The following MCOLN2 variants were observed in gnomAD, a reference collection of about 807,000 sequenced individuals.
The protein encoded by MCOLN2 is mucolipin-2.
A neutral mutation model predicts 67.5 loss-of-function variants in MCOLN2; 57 were observed. The ratio of observed to expected loss-of-function variants is 0.84; its 90% confidence interval spans 0.68 to 1.05. The LOEUF is 1.05. Ranked by LOEUF, MCOLN2 falls within the 50% of genes least tolerant of loss-of-function variation. MCOLN2 has a pLI of 0.00. For synonymous variants in MCOLN2, 246 were observed against 233.3 expected (o/e 1.05, Z -0.50); for missense variants, 620 against 678.8 (o/e 0.91, Z 0.96).
At chr1:84,971,603 G>A (rs1649689272) in intron 1 of MCOLN2, among the ~76,000 whole-genome samples, 3 of 148,300 alleles carry the variant, frequency 2.0e-5, no homozygotes, top group African/African-American at 5.0e-5. Context: ...AAGTAAAGAG[G>A]GAAAAAAATT....
intron 13 of MCOLN2, 120 bp downstream of exon 13, chr1:84,929,438 A>T: frequency 8.6e-7 from 1 of 1,160,640 alleles, no homozygotes; most frequent in Non-Finnish European, 1.2e-6. Flanking sequence ...AAGAAAAGAA[A>T]GGTGAATTAT....
In MCOLN2 at chr1:84,987,567, TAGATGTATA is replaced by T. The variant is rs1557665959; in HGVS notation, c.77+9220_77+9228del. Reference sequence around the variant, plus strand: ...ATAGATGTATACATCTATGTATACATAGATGTATACATAGATATATACATATGTATATAG... The same window carrying T: ...ATAGATGTATACATCTATGTATACATCATAGATATATACATATGTATATAG... On this transcript the variant is annotated intron_variant, in intron 1 of 13. Coordinates refer to ENST00000370608, the MANE Select transcript of MCOLN2 (RefSeq NM_153259.4). 1.5e-4 allele frequency among the ~76,000 whole-genome samples: 13 copies of T among 88,012 alleles called. 2 individuals carry two copies. Among genetic ancestry groups the T allele is most frequent in the South Asian group, 1.2e-3 (3 of 2,564 alleles). The allele number at this position is 88,012 out of a possible 152,430, so 57.7% of individuals were successfully genotyped here.
chr1:84,951,667 G>A (rs1314710799), intron 6 of MCOLN2, among the ~76,000 whole-genome samples: 1 of 152,246 alleles, frequency 6.6e-6, no homozygotes, highest in East Asian at 1.9e-4. Flanking sequence ...TAGGAGAGTA[G>A]AAAGTCAAAG....
chr1:84,991,918 A>C (rs976158252), intron 1 of MCOLN2, among the ~76,000 whole-genome samples: 2 of 152,228 alleles, frequency 1.3e-5, no homozygotes, highest in African/African-American at 4.8e-5. Flanking sequence ...AGATGACTGG[A>C]ATTATGACAT....
intron 4 of MCOLN2, among the ~76,000 whole-genome samples, chr1:84,954,893 A>G (rs1054821675): frequency 2.0e-5 from 3 of 152,254 alleles, no homozygotes; most frequent in African/African-American, 7.2e-5. Flanking sequence ...GTAATTTCAC[A>G]GTGTGAGAAG....
rs147241168 is a variant in MCOLN2, at chr1:84,944,533, A to AAAAG, written c.847+2496_847+2499dup. On this transcript the variant is annotated intron_variant, in intron 7 of 13. Transcript: ENST00000370608. ...GGAGACAGAGCGAGACTCTGTCTCAAAAAGAAAGAAAGAAAGAAAGAAAAA... is the reference window on the plus strand; with the variant it reads ...GGAGACAGAGCGAGACTCTGTCTCAAAAAGAAAGAAAGAAAGAAAGAAAGAAAAA... Among the ~76,000 whole-genome samples the AAAAG allele has an allele frequency of 6.8e-3, 1,034 of 151,860 alleles. 31 individuals are homozygous for AAAAG. The highest frequency in any genetic ancestry group is 0.045 in the Admixed American group (694 of 15,262).
chr1:84,959,614 T>C (rs539776948), intron 2 of MCOLN2, among the ~76,000 whole-genome samples: 10 of 152,268 alleles, frequency 6.6e-5, no homozygotes, highest in African/African-American at 1.9e-4. Context: ...CTCACATACA[T>C]ACACAGGCAG....
chr1:84,935,894 T>C (rs1012402551), intron 11 of MCOLN2, among the ~76,000 whole-genome samples: 7 of 152,210 alleles, frequency 4.6e-5, no homozygotes, highest in South Asian at 2.1e-4. Context: ...GCCGATTACA[T>C]GGCTGTCCTC....
At chr1:84,950,437 G>A (rs1648362122) in intron 6 of MCOLN2, among the ~76,000 whole-genome samples, 1 of 151,972 alleles carries the variant, frequency 6.6e-6, no homozygotes, top group Admixed American at 6.6e-5. Context: ...TAGTTCTTTG[G>A]GTATGAAATT....
chr1:84,967,194 A>T (rs1649422309), intron 1 of MCOLN2, among the ~76,000 whole-genome samples: 1 of 152,250 alleles, frequency 6.6e-6, no homozygotes, highest in African/African-American at 2.4e-5. Context: ...AAGGTCAGGT[A>T]GACAGGCACT....
At chr1:84,929,778 C>T (rs1469276050) in intron 12 of MCOLN2, 99 bp from the exon 13 acceptor site, 1 of 1,181,806 alleles carries the variant, frequency 8.5e-7, no homozygotes, top group Non-Finnish European at 1.2e-6. Flanking sequence ...TAAAACTCTC[C>T]CACATTGCTA....
intron 2 of MCOLN2, among the ~76,000 whole-genome samples, chr1:84,958,914 A>T (rs674647): frequency 0.35 from 53,808 of 152,020 alleles, 9,904 homozygotes; most frequent in African/African-American, 0.44. Context: ...GCATAAAATT[A>T]GAAGAGATTA....
At chr1:84,929,490 G>A (rs201997513) in intron 13 of MCOLN2, 68 bp downstream of exon 13, 312 of 1,470,474 alleles carry the variant, frequency 2.1e-4, no homozygotes, top group Non-Finnish European at 1.0e-4. Context: ...GGTAATCTTG[G>A]AGGGGCTCTT....
At chr1:84,986,596 A>T (rs1019629680) in intron 1 of MCOLN2, among the ~76,000 whole-genome samples, 1 of 150,668 alleles carries the variant, frequency 6.6e-6, no homozygotes, top group African/African-American at 2.4e-5. Flanking sequence ...TCAGCAGAAT[A>T]GACAACCCAA....
intron 1 of MCOLN2, among the ~76,000 whole-genome samples, chr1:84,987,524 G>GATATA (rs1557665744): frequency 1.1e-4 from 2 of 18,216 alleles, no homozygotes; most frequent in African/African-American, 4.6e-4. Context: ...ATGTATATAT[G>GATATA]TATACATCTA....
rs772935575 is a variant in MCOLN2, at chr1:84,937,784, A to G, written c.1306T>C (p.Trp436Arg). The G allele has an allele frequency of 6.2e-7, 1 of 1,614,222 alleles. No homozygotes were observed. Among genetic ancestry groups the G allele is most frequent in the South Asian group, 1.1e-5 (1 of 91,082 alleles). The part of the protein sequence containing the change: ...MIYLGYTFCG[W>R]IVLGPYHDKF... ...TCATGGTATGGTCCTAAGACAATCC[A>G]GCCACAGAATGTGTAACCCAGATAA... The change falls in exon 11 of 14, where the codon TGG becomes CGG. Residue 436 changes from tryptophan to arginine, a missense_variant. Trp to Arg is a moderately radical substitution (Grantham distance 101). Coordinates refer to ENST00000370608, the MANE Select transcript of MCOLN2 (RefSeq NM_153259.4).
chr1:84,943,595 G>C (rs76313542), intron 7 of MCOLN2, among the ~76,000 whole-genome samples: 3 of 152,228 alleles, frequency 2.0e-5, no homozygotes, highest in African/African-American at 7.2e-5. Context: ...GAGTGTCTAT[G>C]GACTTAGTAA....
At chr1:84,943,896 G>A (rs917879795) in intron 7 of MCOLN2, among the ~76,000 whole-genome samples, 2 of 152,158 alleles carry the variant, frequency 1.3e-5, no homozygotes. Flanking sequence ...TTATCTTGAG[G>A]TATCATCTAA....
chr1:84,949,376 C>T (rs573425864), intron 6 of MCOLN2, among the ~76,000 whole-genome samples: 19 of 152,260 alleles, frequency 1.2e-4, no homozygotes, highest in Admixed American at 3.9e-4. Context: ...CGGTGGCTCA[C>T]GCCTGTAATC....
Sources: allele counts gnomAD v4.1 joint callset (sites outside exome capture counted in the v4.1 genomes callset), GRCh38; gene constraint gnomAD v4.1.1; transcripts MANE v1.5; gene names NCBI Gene and HGNC (gene_info 2026-07-23, HGNC 2026-07-21).